EPHA6: variants seen among roughly 807,000 people sequenced by gnomAD.
EPHA6 encodes the protein ephrin type-A receptor 6.
Under a neutral mutation model 112.0 loss-of-function variants are expected in EPHA6, and 50 were observed. That is an observed-to-expected ratio of 0.45 (90% CI 0.36 to 0.56). EPHA6 has a LOEUF of 0.56. EPHA6 is among the 20% of genes least tolerant of loss of function. The pLI, the probability that EPHA6 is intolerant of heterozygous loss-of-function variation, is 0.00. For synonymous variants in EPHA6, 529 were observed against 490.7 expected, an observed-to-expected ratio of 1.08 and a Z score of -1.03; for missense variants, 1,280 against 1,417.4, an observed-to-expected ratio of 0.90 and a Z score of 1.56.
At chr3:97,700,465 A>C (rs1466054556) in intron 14 of EPHA6, among the ~76,000 whole-genome samples, 1 of 152,082 alleles carries the variant, frequency 6.6e-6, no homozygotes, top group Non-Finnish European at 1.5e-5. Context: ...TGAACCTGGC[A>C]CTCCTAAGAC....
intron 10 of EPHA6, among the ~76,000 whole-genome samples, chr3:97,487,491 A>G (rs1195191528): frequency 6.6e-6 from 1 of 152,210 alleles, no homozygotes; most frequent in Non-Finnish European, 1.5e-5. Context: ...TTAAATCACT[A>G]TGCTCATTAG....
intron 6 of EPHA6, among the ~76,000 whole-genome samples, chr3:97,421,410 A>C (rs868719945): frequency 3.9e-5 from 6 of 152,274 alleles, no homozygotes; most frequent in Middle Eastern, 6.8e-3. Context: ...TAGCAACTTA[A>C]TCTGTAAAGC....
At chr3:96,866,500 G>T (rs2036321208) in intron 1 of EPHA6, among the ~76,000 whole-genome samples, 1 of 151,604 alleles carries the variant, frequency 6.6e-6, no homozygotes, top group Non-Finnish European at 1.5e-5. Flanking sequence ...ATGAAAGTGG[G>T]GGAAAAGCAA....
At chr3:96,956,986 T>C (rs992675963) in intron 2 of EPHA6, among the ~76,000 whole-genome samples, 23 of 150,870 alleles carry the variant, frequency 1.5e-4, no homozygotes, top group African/African-American at 4.2e-4. Context: ...TGAGCCAAGA[T>C]TGCACCACTG....
chr3:97,342,688 C>T (rs111301353), intron 5 of EPHA6, among the ~76,000 whole-genome samples: 17 of 152,154 alleles, frequency 1.1e-4, no homozygotes, highest in African/African-American at 4.1e-4. Context: ...AAGTTTGTCT[C>T]CTTGCCCTCT....
intron 4 of EPHA6, among the ~76,000 whole-genome samples, chr3:97,240,587 T>C (rs1489751639): frequency 6.6e-6 from 1 of 151,856 alleles, no homozygotes; most frequent in East Asian, 1.9e-4. Context: ...ATCCCCCTGT[T>C]TGTTTATGGG....
chr3:97,397,714 G>A (rs16838611), intron 5 of EPHA6, among the ~76,000 whole-genome samples: 6 of 151,472 alleles, frequency 4.0e-5, no homozygotes, highest in Non-Finnish European at 7.4e-5. Context: ...CCGTGAAAAC[G>A]CTAATAGGAA....
intron 4 of EPHA6, among the ~76,000 whole-genome samples, chr3:97,227,537 AAG>A (rs753657957): frequency 6.6e-6 from 1 of 152,154 alleles, no homozygotes; most frequent in Non-Finnish European, 1.5e-5. Flanking sequence ...ATTTTTTATG[AAG>A]AGTTACAGCT....
chr3:97,096,389 A>G (rs912238728), intron 3 of EPHA6, among the ~76,000 whole-genome samples: 1 of 152,004 alleles, frequency 6.6e-6, no homozygotes, highest in Non-Finnish European at 1.5e-5. Flanking sequence ...GTTTAGAAGT[A>G]TATTATTGTA....
At chr3:97,458,808 A>C (rs948491783) in intron 7 of EPHA6, among the ~76,000 whole-genome samples, 2 of 152,184 alleles carry the variant, frequency 1.3e-5, no homozygotes, top group Non-Finnish European at 2.9e-5. Flanking sequence ...TAATTGTTCA[A>C]CTTGTTCATT....
chr3:96,901,183 A>G (rs1444590127), intron 2 of EPHA6, among the ~76,000 whole-genome samples: 1 of 152,178 alleles, frequency 6.6e-6, no homozygotes. Flanking sequence ...AATAGTTTTT[A>G]TTAACTTATG....
chr3:97,300,486 C>A (rs535042329), intron 5 of EPHA6, among the ~76,000 whole-genome samples: 5 of 152,112 alleles, frequency 3.3e-5, no homozygotes, highest in Non-Finnish European at 7.4e-5. Flanking sequence ...TCACTTTTTC[C>A]ACAAAGCATG....
intron 13 of EPHA6, among the ~76,000 whole-genome samples, chr3:97,620,957 C>T (rs59808064): frequency 1.7e-3 from 265 of 151,968 alleles, no homozygotes; most frequent in African/African-American, 6.1e-3. Context: ...TAAACACACA[C>T]GCATGCATAT....
chr3:96,943,192 CT>C (rs1288360034), intron 2 of EPHA6, among the ~76,000 whole-genome samples: 1 of 151,900 alleles, frequency 6.6e-6, no homozygotes, highest in Non-Finnish European at 1.5e-5. Flanking sequence ...GAATAATATT[CT>C]TTTTTGTATA....
intron 11 of EPHA6, among the ~76,000 whole-genome samples, chr3:97,556,856 T>A (rs983190090): frequency 6.6e-6 from 1 of 152,096 alleles, no homozygotes; most frequent in Non-Finnish European, 1.5e-5. Context: ...TTAAAATTTT[T>A]AAATAAAACG....
At chr3:97,697,641 G>T (rs2033123855) in intron 14 of EPHA6, among the ~76,000 whole-genome samples, 1 of 152,224 alleles carries the variant, frequency 6.6e-6, no homozygotes, top group Non-Finnish European at 1.5e-5. Context: ...CCACTGGTTA[G>T]ATCATGATGA....
intron 5 of EPHA6, among the ~76,000 whole-genome samples, chr3:97,265,909 TA>T (rs2079664826): frequency 6.6e-6 from 1 of 152,224 alleles, no homozygotes; most frequent in East Asian, 1.9e-4. Context: ...AAACTTTATT[TA>T]TAAAAGCAGG....
intron 12 of EPHA6, among the ~76,000 whole-genome samples, chr3:97,598,737 T>A (rs2093616515): frequency 6.6e-6 from 1 of 151,374 alleles, no homozygotes; most frequent in South Asian, 2.1e-4. Flanking sequence ...CGTGTGCATG[T>A]GTCTTTATAG....
At chr3:96,892,075 C>A (rs2037994787) in intron 2 of EPHA6, among the ~76,000 whole-genome samples, 1 of 152,158 alleles carries the variant, frequency 6.6e-6, no homozygotes, top group Admixed American at 6.5e-5. Flanking sequence ...TCTTTAAAAG[C>A]TTGGTAGGCT....
Sources: allele counts gnomAD v4.1 joint callset (sites outside exome capture counted in the v4.1 genomes callset), GRCh38; gene constraint gnomAD v4.1.1; transcripts MANE v1.5; gene names NCBI Gene and HGNC (gene_info 2026-07-23, HGNC 2026-07-21).